TMEM117: variants seen among roughly 807,000 people sequenced by gnomAD.
TMEM117 encodes transmembrane protein 117.
Under a neutral mutation model 52.4 loss-of-function variants are expected in TMEM117, and 27 were observed. The ratio of observed to expected loss-of-function variants is 0.51; its 90% CI spans 0.38 to 0.71. The LOEUF (loss-of-function observed/expected upper bound fraction) is 0.71, where lower values mean the gene tolerates loss of function less well. TMEM117 is among the 30% of genes least tolerant of loss of function. The probability of loss-of-function intolerance (pLI) is 0.00; values close to 1 mark genes in which losing one functional copy is unlikely to be tolerated. For missense variants in TMEM117, 556 were observed against 630.5 expected (o/e 0.88, Z 1.26); for synonymous variants, 215 against 206.3 (o/e 1.04, Z -0.36).
At chr12:44,134,961 C>A (rs1224603655) in intron 3 of TMEM117, among the ~76,000 whole-genome samples, 3 of 152,048 alleles carry the variant, frequency 2.0e-5, no homozygotes, top group Non-Finnish European at 4.4e-5. Context: ...TGACACACCA[C>A]CCATGTTTTT....
At chr12:43,967,053 T>G (rs1039645861) in intron 3 of TMEM117, among the ~76,000 whole-genome samples, 1 of 152,168 alleles carries the variant, frequency 6.6e-6, no homozygotes, top group African/African-American at 2.4e-5. Context: ...TCTTTTCCCC[T>G]TAAGTATAGG....
chr12:43,869,735 A>G (rs1030346944), intron 2 of TMEM117, among the ~76,000 whole-genome samples: 3 of 151,866 alleles, frequency 2.0e-5, no homozygotes, highest in Admixed American at 2.0e-4. Flanking sequence ...GGATCTCTAC[A>G]TTTTTTTTAA....
intron 3 of TMEM117, among the ~76,000 whole-genome samples, chr12:44,048,848 G>T (rs142791691): frequency 6.6e-5 from 10 of 152,284 alleles, no homozygotes; most frequent in Admixed American, 1.3e-4. Flanking sequence ...TAAGATAAAA[G>T]AAAGCTTTTG....
chr12:44,270,827 A>C (rs1224047651), intron 5 of TMEM117, among the ~76,000 whole-genome samples: 1 of 152,062 alleles, frequency 6.6e-6, no homozygotes, highest in Non-Finnish European at 1.5e-5. Context: ...AATCATAAAG[A>C]GTTGCTGGAT....
intron 5 of TMEM117, among the ~76,000 whole-genome samples, chr12:44,261,226 G>T (rs1054387984): frequency 4.6e-5 from 7 of 152,142 alleles, no homozygotes; most frequent in African/African-American, 1.7e-4. Flanking sequence ...AGAACTGAAG[G>T]GTGGCTTATC....
chr12:43,912,553 C>T (rs1944530483), intron 2 of TMEM117, among the ~76,000 whole-genome samples: 1 of 128,566 alleles, frequency 7.8e-6, no homozygotes, highest in African/African-American at 4.3e-5. Context: ...ATGAAAGCTC[C>T]ATGTGGGCAG....
intron 5 of TMEM117, among the ~76,000 whole-genome samples, chr12:44,256,646 G>C (rs763349056): frequency 2.0e-4 from 31 of 152,018 alleles, no homozygotes; most frequent in Non-Finnish European, 4.1e-4. Context: ...GAATTGATAT[G>C]ATGTCAGAAA....
At chr12:44,077,523 C>A (rs1482554756) in intron 3 of TMEM117, among the ~76,000 whole-genome samples, 1 of 152,088 alleles carries the variant, frequency 6.6e-6, no homozygotes, top group Non-Finnish European at 1.5e-5. Context: ...TTTAACGTGG[C>A]CAAACATCAT....
In TMEM117 at chr12:44,388,535, A is replaced by G. The variant is rs955561908; in HGVS notation, c.1408A>G (p.Arg470Gly). ...GAATGACCCTTCTTTGGTTTGCATCAGGTCTGACTTCAATGAGATCGTCTA... is the reference window on the plus strand; with the variant it reads ...GAATGACCCTTCTTTGGTTTGCATCGGGTCTGACTTCAATGAGATCGTCTA... The part of the protein sequence containing the change: ...PLNDPSLVCI[R>G]SDFNEIVYKS... Residue 470 changes from arginine (R) to glycine (G), a missense_variant, in exon 8 of 8, where the codon AGG (arginine) becomes GGG (glycine). Around this residue, in one of 3 missense-constraint regions of TMEM117, gnomAD observed 206 missense variants for 211.1 expected, o/e 0.98. Coordinates refer to ENST00000266534, the MANE Select transcript of TMEM117 (RefSeq NM_032256.3). 2 of 1,613,610 alleles carry G rather than the reference A, an allele frequency of 1.2e-6. No homozygotes were observed. Among genetic ancestry groups the G allele is most frequent in the Non-Finnish European group, 1.7e-6 (2 of 1,179,638 alleles).
In TMEM117 at chr12:44,085,347, CATATT is replaced by C. The variant is rs201081132; in HGVS notation, c.411-58174_411-58170del. ...TAAAACAATGTTACCAGGGCATCTG[CATATT>C]ATAACCACAGATTAAGAAATGTAGA... On this transcript the variant is annotated intron_variant, in intron 3 of 7. Coordinates refer to ENST00000266534, the MANE Select transcript of TMEM117 (RefSeq NM_032256.3). 2.0e-3 allele frequency among the ~76,000 whole-genome samples: 298 copies of C among 152,198 alleles called. 6 individuals carry two copies. The South Asian group carries it at 0.032, about 16-fold the overall frequency.
intron 3 of TMEM117, among the ~76,000 whole-genome samples, chr12:44,040,169 A>ATACTATAGTGCCAATAC: frequency 6.6e-6 from 1 of 152,268 alleles, no homozygotes; most frequent in Admixed American, 6.5e-5. Flanking sequence ...GTGTGCCATT[A>ATACTATAGTGCCAATAC]TATAGTATTC....
chr12:44,042,824 C>A (rs1191189442), intron 3 of TMEM117, among the ~76,000 whole-genome samples: 1 of 149,264 alleles, frequency 6.7e-6, no homozygotes, highest in African/African-American at 2.5e-5. Flanking sequence ...TAGTTCTGCC[C>A]CTCTAGGGAA....
At chr12:44,024,153 A>C (rs2137842880) in intron 3 of TMEM117, among the ~76,000 whole-genome samples, 1 of 152,318 alleles carries the variant, frequency 6.6e-6, no homozygotes, top group East Asian at 1.9e-4. Flanking sequence ...AATATTGCTA[A>C]GTGCAGCACT....
chr12:43,937,837 T>C (rs942869978), intron 2 of TMEM117, among the ~76,000 whole-genome samples: 23 of 152,206 alleles, frequency 1.5e-4, no homozygotes, highest in African/African-American at 5.5e-4. Context: ...TGGTCTCTAC[T>C]GTGCTACAGT....
chr12:43,985,797 T>C (rs762965211), intron 3 of TMEM117, among the ~76,000 whole-genome samples: 5 of 152,216 alleles, frequency 3.3e-5, no homozygotes, highest in Non-Finnish European at 7.4e-5. Context: ...ATTTCTGCTT[T>C]TGTTCATTGG....
chr12:43,972,522 T>G (rs927928322), intron 3 of TMEM117, among the ~76,000 whole-genome samples: 7 of 152,112 alleles, frequency 4.6e-5, no homozygotes, highest in Non-Finnish European at 2.9e-5. Flanking sequence ...GTGGCCAGCT[T>G]TTATTTCCTT....
intron 7 of TMEM117, among the ~76,000 whole-genome samples, chr12:44,381,399 G>A (rs907071839): frequency 6.6e-6 from 1 of 152,174 alleles, no homozygotes; most frequent in Non-Finnish European, 1.5e-5. Context: ...AATCTCTGGA[G>A]GTGAGAGAGG....
chr12:44,249,045 G>T (rs1950165734), intron 5 of TMEM117: 1 of 152,264 alleles, frequency 6.6e-6, no homozygotes, highest in South Asian at 2.1e-4. Flanking sequence ...GAAGCATGGT[G>T]CTGACATCTG....
chr12:44,280,574 T>C (rs950077724), intron 5 of TMEM117, among the ~76,000 whole-genome samples: 12 of 152,250 alleles, frequency 7.9e-5, no homozygotes, highest in African/African-American at 2.4e-4. Context: ...CTTTTTTTTT[T>C]CCTGAGGTAT....
Sources: allele counts gnomAD v4.1 joint callset (sites outside exome capture counted in the v4.1 genomes callset), GRCh38; gene constraint gnomAD v4.1.1; regional missense constraint gnomAD v4.1.1; transcripts MANE v1.5; gene names NCBI Gene and HGNC (gene_info 2026-07-23, HGNC 2026-07-21).